NLRP8: variants seen among roughly 807,000 people sequenced by gnomAD.
NLRP8 encodes NACHT, LRR and PYD domains-containing protein 8.
A neutral mutation model predicts 88.7 loss-of-function variants in NLRP8; 86 were observed. That is an observed-to-expected ratio of 0.97 (90% confidence interval 0.81 to 1.16). The LOEUF (loss-of-function observed/expected upper bound fraction) is 1.16. NLRP8 is among the 50% of genes most tolerant of loss of function. NLRP8 has a pLI of 0.00. For synonymous variants in NLRP8, 504 were observed against 494.6 expected (o/e 1.02, Z -0.25); for missense variants, 1,342 against 1,286.5 (o/e 1.04, Z -0.66).
intron 5 of NLRP8, among the ~76,000 whole-genome samples, chr19:55,967,934 G>A (rs1197086172): frequency 6.6e-6 from 1 of 152,132 alleles, no homozygotes; most frequent in Non-Finnish European, 1.5e-5. Flanking sequence ...TCTATGACAA[G>A]CCAGGTAAGA....
At chr19:55,987,764 C>T (rs2123240473) in intron 9 of NLRP8, 1 of 1,360,644 alleles carries the variant, frequency 7.3e-7, no homozygotes, top group Non-Finnish European at 1.1e-6. Flanking sequence ...GGAAGTCACT[C>T]ATCCTCAGAA....
At chr19:55,973,540 G>A in intron 6 of NLRP8, 112 bp from the exon 7 acceptor site, 1 of 917,098 alleles carries the variant, frequency 1.1e-6, no homozygotes, top group East Asian at 2.5e-5. Context: ...TGATGACAGA[G>A]GTGTGAGGAT....
Position 55,955,587 on chromosome 19 carries a change from T to C in NLRP8, c.1529T>C (p.Phe510Ser). The C allele has an allele frequency of 6.2e-7, 1 of 1,614,200 alleles. No individual in the cohort carries two copies. The highest frequency in any genetic ancestry group is 8.5e-7 in the Non-Finnish European group (1 of 1,180,028). ...CACTATGTCTTTACCCTCGTGACTT[T>C]TCAGGAATTTTTTGCGGCCTTGTTT... The change falls in exon 3 of 10, where the codon TTT becomes TCT. Residue 510 changes from phenylalanine to serine, a missense_variant. By Grantham distance (155) the Phe-to-Ser change is radical (BLOSUM62 -2). Coordinates refer to ENST00000291971, the MANE Select transcript of NLRP8 (RefSeq NM_176811.2).
In NLRP8 at chr19:55,973,721, G is replaced by T. The variant is rs541343038; in HGVS notation, c.2604G>T (p.Met868Ile). 1.8e-4 allele frequency: 296 copies of T among 1,614,036 alleles called. 2 individuals carry two copies. In the South Asian group the frequency reaches 3.1e-3, roughly 17 times the overall value. ...CCTCCTGTCTCAGGCAGAGTAAGATGCTGACCCACCTGAGCTTGGCAGAAA... is the reference window on the plus strand; with the variant it reads ...CCTCCTGTCTCAGGCAGAGTAAGATTCTGACCCACCTGAGCTTGGCAGAAA... The change falls in exon 7 of 10, where the codon ATG (methionine) becomes ATT (isoleucine). Residue 868 changes from methionine (M) to isoleucine (I), a missense_variant. Physicochemically the swap from Met to Ile is conservative, Grantham distance 10. Coordinates refer to ENST00000291971, the MANE Select transcript of NLRP8 (RefSeq NM_176811.2).
At position 55,972,114 on chromosome 19, in the gene NLRP8, ATTT is replaced by A. The variant is rs60245156; in HGVS notation, c.2534+1434_2534+1436del. Among the ~76,000 whole-genome samples the A allele has an allele frequency of 8.9e-3, 1,148 of 128,310 alleles. 4 individuals are homozygous for A. Among genetic ancestry groups the A allele is most frequent in the African/African-American group, 0.025 (859 of 34,328 alleles). 84.2% of individuals were successfully genotyped at this position (128,310 alleles called of 152,430 possible). A position where few individuals can be genotyped will look rare whatever the true frequency, so the allele number is the denominator to read the frequency against. On this transcript the variant is annotated intron_variant, in intron 6 of 9. Coordinates refer to ENST00000291971, the MANE Select transcript of NLRP8 (RefSeq NM_176811.2). ...CCATATATTTATTTTCTATGTTTTA[ATTT>A]TTTTTTTTTTTTTTTGAGACAGAAT...
intron 9 of NLRP8, among the ~76,000 whole-genome samples, chr19:55,983,011 C>T (rs1980637883): frequency 6.6e-6 from 1 of 152,060 alleles, no homozygotes; most frequent in African/African-American, 2.4e-5. Flanking sequence ...TGAGTTCCCA[C>T]CGGCCAAATC....
chr19:55,958,460 G>A (rs1166857132), intron 3 of NLRP8, among the ~76,000 whole-genome samples: 1 of 152,346 alleles, frequency 6.6e-6, no homozygotes, highest in African/African-American at 2.4e-5. Context: ...AGCCATGGCT[G>A]AGTTTCTCCA....
At position 55,987,909 on chromosome 19, in the gene NLRP8, C is replaced by G. The variant is rs773029312; in HGVS notation, c.3143C>G (p.Pro1048Arg). ...AGTGACTGCCTATCCCAGATTAATC[C>G]TTAGGCCGTCCAGTCATCTTTCTCT... Residue 1048 changes from proline (P) to arginine (R), a missense_variant, in exon 10 of 10, where the codon CCT becomes CGT. Pro to Arg is a moderately radical substitution (Grantham distance 103, BLOSUM62 -2). Transcript: ENST00000291971. The G allele has an allele frequency of 6.2e-7, 1 of 1,610,346 alleles. No individual in the cohort carries two copies. Among genetic ancestry groups the G allele is most frequent in the South Asian group, 1.1e-5 (1 of 90,982 alleles).
chr19:55,955,493 C>G lies in NLRP8; in HGVS notation c.1435C>G (p.Leu479Val). ...TAAAGAAGATCTTGAGGAAGCCAAG[C>G]TGGATCAGACGGGAGTCACCGCCTT... Residue 479 changes from leucine (L) to valine (V), a missense_variant, in exon 3 of 10, where the codon CTG (leucine) becomes GTG (valine). Coordinates refer to ENST00000291971, the MANE Select transcript of NLRP8 (RefSeq NM_176811.2). 1 of 1,614,208 alleles carries G rather than the reference C, an allele frequency of 6.2e-7. No homozygotes were observed. Among genetic ancestry groups the G allele is most frequent in the South Asian group, 1.1e-5 (1 of 91,080 alleles).
chr19:55,956,139 C>A lies in NLRP8; in HGVS notation c.2042+39C>A, dbSNP rs371188432. 12 of 1,569,142 alleles carry A rather than the reference C, an allele frequency of 7.6e-6. No homozygotes were observed. In the Admixed American group the frequency reaches 2.0e-4, roughly 27 times the overall value. ...TCCCTCCTTGGGTAGCCCGTCCTAC[C>A]CGGAGGCCTTGACTATGGTGTCCCG... is the stretch of plus-strand genomic sequence containing the variant. On this transcript the variant is annotated intron_variant, in intron 3 of 9. Transcript: ENST00000291971.
chr19:55,972,114 ATTTTTT>A (rs60245156), intron 6 of NLRP8, among the ~76,000 whole-genome samples: 3 of 128,320 alleles, frequency 2.3e-5, no homozygotes, highest in South Asian at 5.1e-4. Context: ...CTATGTTTTA[ATTTTTT>A]TTTTTTTTTT....
chr19:55,967,343 C>G (rs1600307354), intron 5 of NLRP8, among the ~76,000 whole-genome samples: 1 of 152,212 alleles, frequency 6.6e-6, no homozygotes, highest in Non-Finnish European at 1.5e-5. Flanking sequence ...GCTCTCCACC[C>G]TCCCACTACC....
rs547678512 is a variant in NLRP8, at chr19:55,951,608, T to A, written c.368-930T>A. ...CCCTCAAGGGTACTGAACAAATTCATGGGTGCTCAACTCCTTCATGTAAAA... is the reference window on the plus strand; with the variant it reads ...CCCTCAAGGGTACTGAACAAATTCAAGGGTGCTCAACTCCTTCATGTAAAA... On this transcript the variant is annotated intron_variant, in intron 1 of 9. Transcript: ENST00000291971. 5.3e-4 allele frequency among the ~76,000 whole-genome samples: 80 copies of A among 152,350 alleles called. 1 individual carries two copies. Among genetic ancestry groups the A allele is most frequent in the Middle Eastern group, 6.8e-3 (2 of 294 alleles).
intron 3 of NLRP8, among the ~76,000 whole-genome samples, chr19:55,957,414 C>T (rs1466364131): frequency 2.0e-5 from 3 of 151,768 alleles, no homozygotes; most frequent in South Asian, 2.1e-4. Context: ...AGCTGGGTGC[C>T]GTGGTTCATG....
At chr19:55,982,007 T>C (rs1343125928) in intron 9 of NLRP8, among the ~76,000 whole-genome samples, 1 of 152,084 alleles carries the variant, frequency 6.6e-6, no homozygotes, top group African/African-American at 2.4e-5. Flanking sequence ...CTTCAAGTGA[T>C]TCTCCTGCCT....
intron 4 of NLRP8, among the ~76,000 whole-genome samples, chr19:55,964,769 A>G (rs1250758228): frequency 6.6e-6 from 1 of 151,892 alleles, no homozygotes; most frequent in African/African-American, 2.4e-5. Flanking sequence ...AAAAAAAGAA[A>G]AAAAGAACTA....
intron 4 of NLRP8, among the ~76,000 whole-genome samples, 178 bp downstream of exon 4, chr19:55,962,415 G>C (rs1979655886): frequency 6.6e-6 from 1 of 152,192 alleles, no homozygotes; most frequent in South Asian, 2.1e-4. Context: ...CCACACACGG[G>C]AGCCAGGCTG....
At chr19:55,950,946 C>T (rs904998938) in intron 1 of NLRP8, among the ~76,000 whole-genome samples, 12 of 152,248 alleles carry the variant, frequency 7.9e-5, no homozygotes, top group African/African-American at 1.2e-4. Flanking sequence ...GGCGTGGTGG[C>T]GCACGCCTGT....
At chr19:55,963,032 A>T (rs551212477) in intron 4 of NLRP8, among the ~76,000 whole-genome samples, 1 of 151,764 alleles carries the variant, frequency 6.6e-6, no homozygotes, top group South Asian at 2.1e-4. Context: ...CCCCTTTTTT[A>T]AAACAGAGTC....
Sources: allele counts gnomAD v4.1 joint callset (sites outside exome capture counted in the v4.1 genomes callset), GRCh38; gene constraint gnomAD v4.1.1; transcripts MANE v1.5; gene names NCBI Gene and HGNC (gene_info 2026-07-23, HGNC 2026-07-21).